Variants in ARPC1A observed in about 807,000 individuals in gnomAD.
The protein encoded by ARPC1A is actin-related protein 2/3 complex subunit 1A.
A neutral mutation model predicts 46.9 loss-of-function variants in ARPC1A; 8 were observed. The observed-to-expected ratio is 0.17, with a 90% CI of 0.10 to 0.31. The LOEUF is 0.31. Among genes scored for constraint, ARPC1A ranks in the 10% least tolerant of loss-of-function variants. ARPC1A has a pLI of 1.00. For missense variants in ARPC1A, 286 were observed against 483.6 expected (o/e 0.59, Z 3.83); for synonymous variants, 152 against 169.0 (o/e 0.90, Z 0.78).
At chr7:99,344,647 G>A in intron 4 of ARPC1A, 132 bp downstream of exon 4, 3 of 953,648 alleles carry the variant, frequency 3.1e-6, no homozygotes. Context: ...TCTCGATTCT[G>A]TCTGAGCATT....
intron 1 of ARPC1A, among the ~76,000 whole-genome samples, chr7:99,328,676 A>G (rs1189295145): frequency 6.6e-6 from 1 of 152,130 alleles, no homozygotes; most frequent in Non-Finnish European, 1.5e-5. Context: ...GGGGCCGGGC[A>G]TGGTGGCTCA....
intron 1 of ARPC1A, among the ~76,000 whole-genome samples, chr7:99,329,923 G>A (rs1210197867): frequency 3.3e-5 from 5 of 152,054 alleles, no homozygotes; most frequent in African/African-American, 4.8e-5. Flanking sequence ...TTGAACTAAA[G>A]CGCTTTTAAT....
intron 1 of ARPC1A, among the ~76,000 whole-genome samples, chr7:99,329,192 T>G (rs1203023849): frequency 1.3e-5 from 2 of 151,500 alleles, no homozygotes; most frequent in Admixed American, 6.6e-5. Context: ...TCCCAGCTAC[T>G]CGGGAGGCTG....
At position 99,366,168 on chromosome 7, in the gene ARPC1A, T is replaced by A; in HGVS notation, c.*239T>A. On this transcript the variant is annotated 3_prime_UTR_variant, in exon 10 of 10. Coordinates refer to ENST00000262942, the MANE Select transcript of ARPC1A (RefSeq NM_006409.4). ...TTGACCAAAGCTTCTCTTTAAGTAG[T>A]TTATTATGGAAAATTGTCACACTAA... 1.9e-6 allele frequency: 1 copy of A among 515,596 alleles called. No homozygotes were observed. The highest frequency in any genetic ancestry group is 3.4e-6 in the Non-Finnish European group (1 of 290,786). The allele number at this position is 515,596 out of a possible 1,614,324, so 31.9% of individuals were successfully genotyped here. A position where few individuals can be genotyped will look rare whatever the true frequency, so the allele number is the denominator to read the frequency against.
At chr7:99,363,833 C>T (rs1345462437) in intron 9 of ARPC1A, among the ~76,000 whole-genome samples, 200 bp downstream of exon 9, 1 of 152,120 alleles carries the variant, frequency 6.6e-6, no homozygotes, top group Non-Finnish European at 1.5e-5. Flanking sequence ...CACCACCATG[C>T]TCCGTGAATA....
At chr7:99,341,024 T>A (rs990754810) in intron 3 of ARPC1A, among the ~76,000 whole-genome samples, 1 of 152,192 alleles carries the variant, frequency 6.6e-6, no homozygotes. Context: ...AATTGGAATT[T>A]TAGGCCGGGT....
chr7:99,359,910 C>A, intron 8 of ARPC1A, 172 bp downstream of exon 8: 1 of 785,296 alleles, frequency 1.3e-6, no homozygotes, highest in Non-Finnish European at 2.0e-6. Context: ...TCATTTCCAG[C>A]TCGTGGTAGG....
rs142824583 is a variant in ARPC1A at position 99,340,324 on chromosome 7, A to G, written c.169+2039A>G. Among the ~76,000 whole-genome samples the G allele has an allele frequency of 1.1e-3, 164 of 152,160 alleles. No homozygotes were observed. The East Asian group carries it at 0.031, about 28-fold the overall frequency. On this transcript the variant is annotated intron_variant, in intron 3 of 9. Coordinates refer to ENST00000262942, the MANE Select transcript of ARPC1A (RefSeq NM_006409.4). ...ATTACAGGTGCCTGCCACAATGCCC[A>G]GCTAATTTTTGTATTTTTAGTAGAT...
intron 3 of ARPC1A, among the ~76,000 whole-genome samples, chr7:99,342,854 C>T (rs748685074): frequency 1.3e-5 from 2 of 151,076 alleles, no homozygotes; most frequent in South Asian, 2.1e-4. Context: ...TCCTAAGTAG[C>T]TGGGACTACA....
intron 3 of ARPC1A, 130 bp downstream of exon 3, chr7:99,338,415 T>G: frequency 9.5e-5 from 49 of 517,794 alleles, no homozygotes; most frequent in Non-Finnish European, 1.2e-4. Context: ...AGAAGGAGTA[T>G]CACTCTTTCG....
chr7:99,338,317 T>C, intron 3 of ARPC1A, 32 bp downstream of exon 3: 1 of 1,505,926 alleles, frequency 6.6e-7, no homozygotes, highest in Non-Finnish European at 9.1e-7. Flanking sequence ...CTTAGTGTGA[T>C]ATTTCCAAAT....
At chr7:99,356,736 CA>C in intron 6 of ARPC1A, among the ~76,000 whole-genome samples, 1 of 151,960 alleles carries the variant, frequency 6.6e-6, no homozygotes. Flanking sequence ...CCTGTCTCTA[CA>C]AAAAATACAA....
Position 99,359,707 on chromosome 7 carries a change from G to A in ARPC1A, c.952G>A (p.Ala318Thr). 6.2e-7 allele frequency: 1 copy of A among 1,614,164 alleles called. No homozygotes were observed. The highest frequency in any genetic ancestry group is 8.5e-7 in the Non-Finnish European group (1 of 1,180,040). ...KRATTEDRNT[A>T]LETLHQNSIT... ...AGCCACAACTGAGGACCGCAACACGGCCTTGGAGACGCTGCACCAGAATAG... is the reference window on the plus strand; with the variant it reads ...AGCCACAACTGAGGACCGCAACACGACCTTGGAGACGCTGCACCAGAATAG... The change falls in exon 8 of 10, where the codon GCC becomes ACC. Residue 318 changes from alanine to threonine, a missense_variant. Transcript: ENST00000262942.
intron 3 of ARPC1A, among the ~76,000 whole-genome samples, chr7:99,343,625 A>G (rs979198186): frequency 6.6e-6 from 1 of 152,218 alleles, no homozygotes; most frequent in Non-Finnish European, 1.5e-5. Flanking sequence ...GTACCAGATA[A>G]GTAAAGTCTC....
chr7:99,352,253 C>T (rs1793554761), intron 5 of ARPC1A, among the ~76,000 whole-genome samples: 1 of 152,162 alleles, frequency 6.6e-6, no homozygotes, highest in Non-Finnish European at 1.5e-5. Context: ...AGGGATGGGA[C>T]AGCAAGATCT....
chr7:99,338,809 A>G (rs10232946), intron 3 of ARPC1A, among the ~76,000 whole-genome samples: 1,641 of 152,298 alleles, frequency 0.011, 24 homozygotes, highest in African/African-American at 0.036. Flanking sequence ...TACCGTTGCT[A>G]TGGAAAGCAC....
At chr7:99,359,064 C>T (rs1338959864) in intron 7 of ARPC1A, among the ~76,000 whole-genome samples, 1 of 150,936 alleles carries the variant, frequency 6.6e-6, no homozygotes, top group African/African-American at 2.4e-5. Context: ...ATCTCCTGAC[C>T]TCGTGATCCG....
chr7:99,337,590 G>A (rs1793277829), intron 2 of ARPC1A, among the ~76,000 whole-genome samples: 1 of 152,102 alleles, frequency 6.6e-6, no homozygotes, highest in Admixed American at 6.6e-5. Flanking sequence ...TTTTTAAAAA[G>A]TCCGTTTTGT....
At chr7:99,359,937 C>T in intron 8 of ARPC1A, 199 bp downstream of exon 8, 1 of 633,620 alleles carries the variant, frequency 1.6e-6, no homozygotes, top group Non-Finnish European at 2.7e-6. Context: ...GTCGCCACCA[C>T]CTGGTCATTC....
Sources: gnomAD v4.1 joint callset for allele counts (sites outside exome capture counted in the v4.1 genomes callset) on GRCh38, gnomAD v4.1.1 for gene constraint, MANE v1.5 for transcripts, NCBI Gene and HGNC (gene_info 2026-07-23, HGNC 2026-07-21) for gene names.